The following TESK2 variants were observed in gnomAD, a reference collection of about 807,000 sequenced individuals.
TESK2 encodes the protein testis associated actin remodelling kinase 2.
In TESK2, 39 loss-of-function variants were observed where a neutral mutation model predicts 57.1. The ratio of observed to expected loss-of-function variants is 0.68; its 90% CI spans 0.53 to 0.89. The LOEUF (loss-of-function observed/expected upper bound fraction) is 0.89, where lower values mean the gene tolerates loss of function less well. Among genes scored for constraint, TESK2 ranks in the 40% least tolerant of loss-of-function variants. The probability of loss-of-function intolerance (pLI) is 0.00; values close to 1 mark genes in which losing one functional copy is unlikely to be tolerated. For missense variants in TESK2, 646 were observed against 732.1 expected (o/e 0.88, Z 1.36); for synonymous variants, 249 against 267.9 (o/e 0.93, Z 0.69).
intron 4 of TESK2, among the ~76,000 whole-genome samples, chr1:45,362,227 T>A (rs1039059969): frequency 6.6e-6 from 1 of 152,258 alleles, no homozygotes; most frequent in Non-Finnish European, 1.5e-5. Flanking sequence ...TATATTCTTA[T>A]AGCAGCATAA....
intron 2 of TESK2, among the ~76,000 whole-genome samples, chr1:45,431,342 C>T (rs577592180): frequency 1.3e-5 from 2 of 152,116 alleles, no homozygotes; most frequent in African/African-American, 2.4e-5. Flanking sequence ...CGCTTGAACC[C>T]GGGAGACGGA....
At chr1:45,408,838 T>C (rs1649940438) in intron 3 of TESK2, among the ~76,000 whole-genome samples, 1 of 152,312 alleles carries the variant, frequency 6.6e-6, no homozygotes, top group South Asian at 2.1e-4. Flanking sequence ...TTTTAGGTAT[T>C]GCATTCTATC....
At chr1:45,403,583 C>T (rs1557559734) in intron 3 of TESK2, among the ~76,000 whole-genome samples, 1 of 152,148 alleles carries the variant, frequency 6.6e-6, no homozygotes, top group Admixed American at 6.6e-5. Flanking sequence ...GCAGAACAAA[C>T]ATTGCTTAGC....
chr1:45,355,331 C>T lies in TESK2; in HGVS notation c.512G>A (p.Gly171Asp), dbSNP rs1327164640. The T allele has an allele frequency of 6.2e-7, 1 of 1,613,788 alleles. No individual in the cohort carries two copies. Among genetic ancestry groups the T allele is most frequent in the Non-Finnish European group, 8.5e-7 (1 of 1,179,948 alleles). The part of the protein sequence containing the change: ...AVGLSYLHFK[G>D]IFHRDLTSKN... ...AGATGTGAGGTCCCGATGAAAAATGCCTTTGAAGTGAAGGTAGCTGAGGCC... is the reference window on the plus strand; with the variant it reads ...AGATGTGAGGTCCCGATGAAAAATGTCTTTGAAGTGAAGGTAGCTGAGGCC... Residue 171 changes from glycine (G) to aspartate (D), a missense_variant, in exon 5 of 11, where the codon GGC (glycine) becomes GAC (aspartate). By Grantham distance (94) the Gly-to-Asp change is moderately conservative. Transcript: ENST00000372086.
In TESK2 at chr1:45,423,680, C is replaced by A. The variant is rs778075867; in HGVS notation, c.223-1834G>T. 2.0e-5 allele frequency among the ~76,000 whole-genome samples: 3 copies of A among 151,860 alleles called. No individual in the cohort carries two copies. The East Asian group carries it at 5.8e-4, about 29-fold the overall frequency. ...CCAAAGCACCTTATAATCATTTAAA[C>A]ACACTCAAGTTAAATACAACAAACA... On this transcript the variant is annotated intron_variant, in intron 2 of 10. Coordinates refer to ENST00000372086, the MANE Select transcript of TESK2 (RefSeq NM_007170.3).
At chr1:45,416,026 A>G (rs1399514303) in intron 3 of TESK2, among the ~76,000 whole-genome samples, 8 of 147,760 alleles carry the variant, frequency 5.4e-5, no homozygotes, top group South Asian at 2.1e-4. Flanking sequence ...TCTTCTTCCA[A>G]TATGGCCCAG....
chr1:45,353,470 T>G (rs1647289805), intron 5 of TESK2, among the ~76,000 whole-genome samples: 1 of 152,222 alleles, frequency 6.6e-6, no homozygotes, highest in Non-Finnish European at 1.5e-5. Flanking sequence ...TACTTACTGC[T>G]TTAGGCTTTA....
intron 4 of TESK2, among the ~76,000 whole-genome samples, chr1:45,367,814 C>G (rs1467063253): frequency 6.7e-6 from 1 of 150,040 alleles, no homozygotes; most frequent in Non-Finnish European, 1.5e-5. Flanking sequence ...CCTCCCACCA[C>G]GCCCAGCTAA....
chr1:45,404,122 A>G (rs1308128801), intron 3 of TESK2, among the ~76,000 whole-genome samples: 2 of 152,232 alleles, frequency 1.3e-5, no homozygotes, highest in Non-Finnish European at 2.9e-5. Context: ...GTAACAAAAT[A>G]GAAATATAGA....
chr1:45,435,512 C>A (rs1651160554), intron 2 of TESK2, among the ~76,000 whole-genome samples: 1 of 149,532 alleles, frequency 6.7e-6, no homozygotes, highest in East Asian at 2.0e-4. Context: ...GATCCTCCTG[C>A]CTTAGCCTCC....
chr1:45,359,064 T>C (rs1647566385), intron 4 of TESK2, among the ~76,000 whole-genome samples: 2 of 152,242 alleles, frequency 1.3e-5, no homozygotes, highest in South Asian at 4.1e-4. Flanking sequence ...TTGGGTACCA[T>C]TGCATTTACA....
chr1:45,483,278 CTCAAAA>C (rs1039913984), intron 1 of TESK2, among the ~76,000 whole-genome samples: 5 of 147,300 alleles, frequency 3.4e-5, no homozygotes, highest in Admixed American at 1.4e-4. Flanking sequence ...GAGACTTCGT[CTCAAAA>C]AAAAAAAAAC....
At chr1:45,380,152 G>C (rs771482206) in intron 4 of TESK2, among the ~76,000 whole-genome samples, 1 of 152,028 alleles carries the variant, frequency 6.6e-6, no homozygotes, top group Admixed American at 6.6e-5. Flanking sequence ...CACCCGCCTC[G>C]GCCTCCCAAA....
intron 4 of TESK2, among the ~76,000 whole-genome samples, chr1:45,359,560 G>GA (rs1224539402): frequency 1.5e-5 from 2 of 136,662 alleles, no homozygotes; most frequent in Non-Finnish European, 3.2e-5. Flanking sequence ...ACCCTGTCTT[G>GA]AAAAAAAAAT....
intron 2 of TESK2, among the ~76,000 whole-genome samples, chr1:45,441,446 A>C (rs1286537002): frequency 6.6e-6 from 1 of 151,364 alleles, no homozygotes; most frequent in Non-Finnish European, 1.5e-5. Flanking sequence ...CAGTGTGCTG[A>C]GATTACAGGC....
At chr1:45,392,333 C>T (rs935220041) in intron 3 of TESK2, among the ~76,000 whole-genome samples, 2 of 152,174 alleles carry the variant, frequency 1.3e-5, no homozygotes, top group African/African-American at 4.8e-5. Context: ...GTGATCCACC[C>T]ACCTCAGGTG....
At chr1:45,436,200 T>G (rs1651212867) in intron 2 of TESK2, among the ~76,000 whole-genome samples, 1 of 130,014 alleles carries the variant, frequency 7.7e-6, no homozygotes, top group African/African-American at 3.1e-5. Context: ...TTTTTTTTTT[T>G]TTGAGATGGA....
At chr1:45,480,257 G>C (rs925975357) in intron 1 of TESK2, among the ~76,000 whole-genome samples, 10 of 151,464 alleles carry the variant, frequency 6.6e-5, no homozygotes, top group Admixed American at 2.0e-4. Context: ...TCAGGAGTTC[G>C]AGATCAGCCT....
At chr1:45,443,725 A>T in intron 2 of TESK2, among the ~76,000 whole-genome samples, 1 of 152,178 alleles carries the variant, frequency 6.6e-6, no homozygotes, top group East Asian at 1.9e-4. Context: ...ATTTCCTTTT[A>T]TCACCACTGA....
Sources: allele counts gnomAD v4.1 joint callset (sites outside exome capture counted in the v4.1 genomes callset), GRCh38; gene constraint gnomAD v4.1.1; transcripts MANE v1.5; gene names NCBI Gene and HGNC (gene_info 2026-07-23, HGNC 2026-07-21).